CNOT10: variants seen among roughly 807,000 people sequenced by gnomAD.
CNOT10 encodes the protein CCR4-NOT transcription complex, subunit 10.
CNOT10 carries 30 observed loss-of-function variants against 94.6 expected under a neutral mutation model. The ratio of observed to expected loss-of-function variants is 0.32; its 90% confidence interval spans 0.24 to 0.43. CNOT10 has a LOEUF of 0.43. CNOT10 is among the 20% of genes least tolerant of loss of function. The probability of loss-of-function intolerance (pLI) is 1.00; values close to 1 mark genes in which losing one functional copy is unlikely to be tolerated. For synonymous variants in CNOT10, 289 were observed against 301.6 expected (o/e 0.96, Z 0.43); for missense variants, 759 against 877.2 (o/e 0.87, Z 1.70).
intron 1 of CNOT10, among the ~76,000 whole-genome samples, chr3:32,687,452 G>GTTTTTTTT (rs56091219): frequency 1.5e-4 from 9 of 60,402 alleles, no homozygotes; most frequent in East Asian, 5.7e-4. Flanking sequence ...TTTTTTTTTT[G>GTTTTTTTT]TTTTTTTTTT....
At chr3:32,716,470 A>G (rs1044325477) in intron 6 of CNOT10, among the ~76,000 whole-genome samples, 159 bp downstream of exon 6, 7 of 152,202 alleles carry the variant, frequency 4.6e-5, no homozygotes, top group African/African-American at 1.7e-4. Context: ...CATTTATCCT[A>G]AATACATTTT....
chr3:32,721,429 C>CTTTTTTTTTTTTTTTTTT (rs58351356), intron 8 of CNOT10, among the ~76,000 whole-genome samples: 8 of 72,602 alleles, frequency 1.1e-4, no homozygotes, highest in Non-Finnish European at 1.4e-4. Flanking sequence ...TTTCTTTCAT[C>CTTTTTTTTTTTTTTTTTT]TTTTTTTTTT....
At chr3:32,736,972 T>A (rs780598801) in intron 12 of CNOT10, among the ~76,000 whole-genome samples, 4 of 152,178 alleles carry the variant, frequency 2.6e-5, no homozygotes, top group Non-Finnish European at 5.9e-5. Flanking sequence ...GTTACCAAAT[T>A]ACTAAGTATT....
chr3:32,716,227 T>A lies in CNOT10; in HGVS notation c.576T>A (p.Thr192=), dbSNP rs1698112648. Residue 192 remains threonine (T), a splice_region_variant and synonymous_variant, in exon 6 of 19, where the codon ACT becomes ACA. Coordinates refer to ENST00000328834, the MANE Select transcript of CNOT10 (RefSeq NM_015442.3). ...GNNNKNGKNE[T]GNNNNKDGSN... Reference sequence around the variant, plus strand: ...AACTTTGTTTCATCACCCTACAGACTGGTAATAACAACAACAAAGATGGAT... The same window carrying A: ...AACTTTGTTTCATCACCCTACAGACAGGTAATAACAACAACAAAGATGGAT... 6.4e-7 allele frequency: 1 copy of A among 1,560,808 alleles called. No homozygotes were observed. Among genetic ancestry groups the A allele is most frequent in the African/African-American group, 1.4e-5 (1 of 72,850 alleles).
intron 13 of CNOT10, among the ~76,000 whole-genome samples, chr3:32,743,089 A>T (rs972966686): frequency 1.3e-5 from 2 of 149,920 alleles, no homozygotes; most frequent in Non-Finnish European, 1.5e-5. Flanking sequence ...GAGTTCAAGC[A>T]GTTCTCCTGC....
At chr3:32,699,902 C>T (rs1697253885) in intron 1 of CNOT10, among the ~76,000 whole-genome samples, 1 of 151,766 alleles carries the variant, frequency 6.6e-6, no homozygotes, top group African/African-American at 2.4e-5. Context: ...TACTATTTCT[C>T]ATGTGGGTAT....
At chr3:32,721,043 C>T (rs1308322045) in intron 8 of CNOT10, among the ~76,000 whole-genome samples, 2 of 135,790 alleles carry the variant, frequency 1.5e-5, no homozygotes, top group African/African-American at 5.3e-5. Context: ...CCTTCCTTCC[C>T]TTCCTTTCTT....
At chr3:32,772,491 C>G (rs1700956414) in intron 18 of CNOT10, among the ~76,000 whole-genome samples, 2 of 152,054 alleles carry the variant, frequency 1.3e-5, no homozygotes, top group South Asian at 4.1e-4. Flanking sequence ...CACTGCACTC[C>G]AGCCTGGGCA....
chr3:32,727,304 T>G (rs1698719262), intron 9 of CNOT10, among the ~76,000 whole-genome samples: 1 of 152,000 alleles, frequency 6.6e-6, no homozygotes, highest in African/African-American at 2.4e-5. Flanking sequence ...CCCCCCCATC[T>G]CTACAAAAAT....
chr3:32,735,033 AC>A, intron 12 of CNOT10, 57 bp downstream of exon 12: 2 of 1,440,160 alleles, frequency 1.4e-6, no homozygotes, highest in Non-Finnish European at 1.9e-6. Context: ...TCTTTAGTAA[AC>A]CCTTTGTTCT....
chr3:32,704,681 T>C lies in CNOT10; in HGVS notation c.118-130T>C, dbSNP rs192194928. ...TGCTTTAGTGACTTTGATTAGTATA[T>C]GTAGGGAAACTACATCTTTCTTTTT... is the stretch of plus-strand genomic sequence containing the variant. On this transcript the variant is annotated intron_variant, in intron 2 of 18. Coordinates refer to ENST00000328834, the MANE Select transcript of CNOT10 (RefSeq NM_015442.3). The C allele has an allele frequency of 1.1e-5, 11 of 1,005,344 alleles. No individual in the cohort carries two copies. The African/African-American group carries it at 1.9e-4, about 17-fold the overall frequency. 62.3% of individuals were successfully genotyped at this position (1,005,344 alleles called of 1,614,324 possible).
intron 9 of CNOT10, among the ~76,000 whole-genome samples, chr3:32,727,377 G>A (rs1698723647): frequency 6.6e-6 from 1 of 152,166 alleles, no homozygotes; most frequent in Non-Finnish European, 1.5e-5. Flanking sequence ...GTGCAAAGGA[G>A]TGAGAGCGGG....
intron 1 of CNOT10, chr3:32,695,444 A>T: frequency 1.2e-6 from 1 of 802,544 alleles, no homozygotes; most frequent in Non-Finnish European, 1.8e-6. Context: ...TTTTCTTGAT[A>T]TATCAGTGGA....
chr3:32,685,487 G>A lies in CNOT10; in HGVS notation c.22+5G>A. Reference sequence around the variant, plus strand: ...TGGCTGCAGACAAGCCTGCAGGTAGGGCGCCAATGTCCCGAGCGACGAGAC... The same window carrying A: ...TGGCTGCAGACAAGCCTGCAGGTAGAGCGCCAATGTCCCGAGCGACGAGAC... On this transcript the variant is annotated splice_donor_5th_base_variant and intron_variant, in intron 1 of 18. Coordinates refer to ENST00000328834, the MANE Select transcript of CNOT10 (RefSeq NM_015442.3). 1 of 1,550,436 alleles carries A rather than the reference G, an allele frequency of 6.4e-7. No individual in the cohort carries two copies.
At chr3:32,704,016 A>C (rs1408127108) in intron 2 of CNOT10, 54 bp downstream of exon 2, 5 of 1,084,508 alleles carry the variant, frequency 4.6e-6, no homozygotes, top group Non-Finnish European at 6.8e-6. Context: ...GTCAAGTATG[A>C]ATCTTTTCAT....
chr3:32,749,271 G>A (rs1454627983), intron 13 of CNOT10, among the ~76,000 whole-genome samples: 1 of 152,010 alleles, frequency 6.6e-6, no homozygotes, highest in Non-Finnish European at 1.5e-5. Context: ...TCTTATTTTT[G>A]TTGTTGCTTG....
rs377025024 is a variant in CNOT10 at position 32,756,053 on chromosome 3, C to T, written c.1596-3405C>T. Among the ~76,000 whole-genome samples, 44 of 152,134 alleles carry T rather than the reference C, an allele frequency of 2.9e-4. No homozygotes were observed. The East Asian group carries it at 6.4e-3, about 22-fold the overall frequency. ...GTGATTCTCTGGGGGCTCAGTAGAG[C>T]CATGTGTGCTTCTAGCGTTAGCAGT... On this transcript the variant is annotated intron_variant, in intron 13 of 18. Transcript: ENST00000328834.
At chr3:32,691,852 T>C (rs1696860855) in intron 1 of CNOT10, among the ~76,000 whole-genome samples, 1 of 151,890 alleles carries the variant, frequency 6.6e-6, no homozygotes, top group African/African-American at 2.4e-5. Flanking sequence ...GTTCAGGAGT[T>C]AGAGACCAGC....
At chr3:32,713,169 G>C in intron 4 of CNOT10, 58 bp from the exon 5 acceptor site, 1 of 1,412,954 alleles carries the variant, frequency 7.1e-7, no homozygotes, top group South Asian at 1.4e-5. Context: ...AGGGTGGTCT[G>C]AAATGTGTGC....
Sources: gnomAD v4.1 joint callset for allele counts (sites outside exome capture counted in the v4.1 genomes callset) on GRCh38, gnomAD v4.1.1 for gene constraint, MANE v1.5 for transcripts, NCBI Gene and HGNC (gene_info 2026-07-23, HGNC 2026-07-21) for gene names.